The following ITGA3 variants were observed in gnomAD, a reference collection of about 807,000 sequenced individuals.
The protein encoded by ITGA3 is integrin subunit alpha 3, also known as integrin alpha-3.
In ITGA3, 70 loss-of-function variants were observed where a neutral mutation model predicts 131.1. That is an observed-to-expected ratio of 0.53 (90% CI 0.44 to 0.65). The LOEUF (loss-of-function observed/expected upper bound fraction) is 0.65. ITGA3 is among the 30% of genes least tolerant of loss of function. ITGA3 has a pLI of 0.00. For synonymous variants in ITGA3, 537 were observed against 571.6 expected, an observed-to-expected ratio of 0.94 and a Z score of 0.86; for missense variants, 1,098 against 1,388.6, an observed-to-expected ratio of 0.79 and a Z score of 3.33.
chr17:50,082,429 G>A (rs757940358), intron 23 of ITGA3, among the ~76,000 whole-genome samples: 11 of 152,056 alleles, frequency 7.2e-5, no homozygotes, highest in Non-Finnish European at 1.2e-4. Flanking sequence ...CACCTGCCTC[G>A]GCCTCCCAAA....
At chr17:50,088,397 GC>G in intron 25 of ITGA3, 31 bp downstream of exon 25, 2 of 1,226,720 alleles carry the variant, frequency 1.6e-6, no homozygotes, top group Non-Finnish European at 2.3e-6. Context: ...CCTTCCCCGA[GC>G]CCCACAGCTG....
chr17:50,074,404 A>G, intron 9 of ITGA3, 44 bp from the exon 10 acceptor site: 2 of 1,601,106 alleles, frequency 1.2e-6, no homozygotes, highest in South Asian at 1.1e-5. Context: ...GGCCTGGGGC[A>G]GGCAGGAGGC....
At position 50,068,042 on chromosome 17, in the gene ITGA3, T is replaced by G. The variant is rs1567698189; in HGVS notation, c.415-14T>G. ...GTGCCTGACTAAGGCTGCCTGTGTT[T>G]GGGGGGTCCCCAGGTCTGTGCCCAC... is the stretch of plus-strand genomic sequence containing the variant. On this transcript the variant is annotated splice_polypyrimidine_tract_variant and intron_variant, in intron 3 of 25. Transcript: ENST00000320031. 1 of 1,613,538 alleles carries G rather than the reference T, an allele frequency of 6.2e-7. No homozygotes were observed. Among genetic ancestry groups the G allele is most frequent in the Non-Finnish European group, 8.5e-7 (1 of 1,179,836 alleles).
intron 1 of ITGA3, among the ~76,000 whole-genome samples, chr17:50,062,850 C>A (rs1429044216): frequency 6.6e-6 from 1 of 152,222 alleles, no homozygotes; most frequent in Non-Finnish European, 1.5e-5. Flanking sequence ...AATGGTGGGG[C>A]ACCTGGGAGG....
chr17:50,077,223 A>C, intron 15 of ITGA3, 102 bp downstream of exon 15: 1 of 1,353,568 alleles, frequency 7.4e-7, no homozygotes, highest in Non-Finnish European at 1.0e-6. Flanking sequence ...CCACGTGCCC[A>C]CCTCCTCTGG....
chr17:50,080,460 ATGGGTG>A (rs760890970), intron 22 of ITGA3, 85 bp downstream of exon 22: 3 of 486,214 alleles, frequency 6.2e-6, no homozygotes, highest in Non-Finnish European at 1.0e-5. Context: ...GGGTCATAGC[ATGGGTG>A]TGTGTGTGTG....
rs761283441 is a variant in ITGA3 at position 50,075,459 on chromosome 17, T to C, written c.1470T>C (p.Cys490=). The C allele has an allele frequency of 1.2e-6, 2 of 1,614,130 alleles. No individual in the cohort carries two copies. The highest frequency in any genetic ancestry group is 1.7e-6 in the Non-Finnish European group (2 of 1,180,000). ...LDPALCTATS[C]VQVELCFAYN... The stretch of plus-strand genomic sequence containing the variant: ...GCCCTCCTGTACATCCCTCCAACAG[T>C]GTGCAAGTGGAGCTGTGCTTTGCTT... The change falls in exon 11 of 26, where the codon TGT becomes TGC. Residue 490 remains cysteine (C), a splice_region_variant and synonymous_variant. Coordinates refer to ENST00000320031, the MANE Select transcript of ITGA3 (RefSeq NM_002204.4).
At chr17:50,076,754 CG>C in intron 14 of ITGA3, 73 bp downstream of exon 14, 1 of 1,015,172 alleles carries the variant, frequency 9.9e-7, no homozygotes. Context: ...AGGGTGGGGG[CG>C]GGGCCTCATG....
rs924917056 is a variant in ITGA3 at position 50,074,361 on chromosome 17, C to T, written c.1382+81C>T. On this transcript the variant is annotated intron_variant, in intron 9 of 25. Coordinates refer to ENST00000320031, the MANE Select transcript of ITGA3 (RefSeq NM_002204.4). ...AGATTCCCATCTGTGTCCATGTTTG[C>T]GCTAGCTCCTTGGAAGCCTGGGCCC... 2.5e-5 allele frequency: 40 copies of T among 1,598,610 alleles called. No individual in the cohort carries two copies. The East Asian group carries it at 3.1e-4, about 13-fold the overall frequency.
intron 7 of ITGA3, 121 bp from the exon 8 acceptor site, chr17:50,073,795 C>A (rs1038812763): frequency 1.4e-6 from 1 of 722,776 alleles, no homozygotes; most frequent in Non-Finnish European, 2.5e-6. Flanking sequence ...ATGCTCTGAG[C>A]CCTGCCCATC....
intron 22 of ITGA3, 174 bp from the exon 23 acceptor site, chr17:50,081,132 CAAAT>C: frequency 1.7e-6 from 1 of 576,332 alleles, no homozygotes; most frequent in Non-Finnish European, 3.1e-6. Flanking sequence ...AATGAATGAA[CAAAT>C]AAATGAATGA....
At chr17:50,064,000 T>C in intron 1 of ITGA3, 77 bp from the exon 2 acceptor site, 4 of 1,555,068 alleles carry the variant, frequency 2.6e-6, no homozygotes, top group Non-Finnish European at 3.5e-6. Context: ...TGTAAATGTA[T>C]GTTGAATAAA....
chr17:50,076,504 G>A, intron 13 of ITGA3, 29 bp downstream of exon 13: 1 of 1,603,978 alleles, frequency 6.2e-7, no homozygotes, highest in East Asian at 2.2e-5. Flanking sequence ...TGGACTGGAA[G>A]ACCAGGGGCC....
chr17:50,078,792 C>G, intron 18 of ITGA3, 32 bp from the exon 19 acceptor site: 5 of 1,356,620 alleles, frequency 3.7e-6, no homozygotes, highest in Non-Finnish European at 5.3e-6. Context: ...GTCTCTTGTC[C>G]CCCGTGACTC....
At position 50,064,700 on chromosome 17, in the gene ITGA3, C is replaced by T; in HGVS notation, c.414+93C>T. 1 of 1,049,208 alleles carries T rather than the reference C, an allele frequency of 9.5e-7. No homozygotes were observed. Among genetic ancestry groups the T allele is most frequent in the Non-Finnish European group, 1.4e-6 (1 of 708,512 alleles). The allele number at this position is 1,049,208 out of a possible 1,614,324, so 65.0% of individuals were successfully genotyped here. A position where few individuals can be genotyped will look rare whatever the true frequency, so the allele number is the denominator to read the frequency against. On this transcript the variant is annotated intron_variant, in intron 3 of 25. Transcript: ENST00000320031. The surrounding 1 kb of genome is among the most constrained non-coding windows in gnomAD (Gnocchi z 4.4). ...GGAAAGAAGAGGGCAGCAGGGGGGT[C>T]CACGGCGCGTGTGTGCTGGGGCCTG...
At chr17:50,079,579 G>A (rs1403680900) in intron 21 of ITGA3, 22 bp downstream of exon 21, 51 of 1,506,818 alleles carry the variant, frequency 3.4e-5, no homozygotes, top group Non-Finnish European at 4.3e-5. Context: ...GGGCGAGGTT[G>A]GAGGGGATTG....
At position 50,088,327 on chromosome 17, in the gene ITGA3, G is replaced by A. The variant is rs371838662; in HGVS notation, c.3148G>A (p.Asp1050Asn). The A allele has an allele frequency of 8.4e-5, 132 of 1,572,910 alleles. No homozygotes were observed. Among genetic ancestry groups the A allele is most frequent in the Non-Finnish European group, 1.1e-4 (126 of 1,159,604 alleles). The change falls in exon 25 of 26, where the codon GAC becomes AAC. Residue 1050 changes from aspartate to asparagine, a missense_variant. Asp to Asn is a conservative substitution (Grantham distance 23, BLOSUM62 1). Coordinates refer to ENST00000320031, the MANE Select transcript of ITGA3 (RefSeq NM_002204.4). The part of the protein sequence containing the change: ...QPSETERLTD[D>N]Y The stretch of plus-strand genomic sequence containing the variant: ...GTCAGAGACAGAGAGGCTGACCGAC[G>A]ACTACTGAGGGGGCAGCCCCCCGCC...
rs1281984621 is a variant in ITGA3, at chr17:50,071,533, A to T, written c.959+15A>T. 6.3e-7 allele frequency: 1 copy of T among 1,594,258 alleles called. No homozygotes were observed. Among genetic ancestry groups the T allele is most frequent in the East Asian group, 2.2e-5 (1 of 44,600 alleles). On this transcript the variant is annotated intron_variant, in intron 6 of 25. Transcript: ENST00000320031. ...AACAATGATGGGTGAGAATCTAGGG[A>T]CATCCTCTGGGGCCAGGGAGAGCGA...
chr17:50,079,644 C>A, intron 21 of ITGA3, 87 bp downstream of exon 21: 2 of 1,378,444 alleles, frequency 1.5e-6, no homozygotes, highest in Non-Finnish European at 1.9e-6. Context: ...GCAAGGGAGA[C>A]CTCAGTGTGA....
Sources: gnomAD v4.1 joint callset for allele counts (sites outside exome capture counted in the v4.1 genomes callset) on GRCh38, gnomAD v4.1.1 for gene constraint, Gnocchi (gnomAD v3.1) non-coding constraint, MANE v1.5 for transcripts, NCBI Gene and HGNC (gene_info 2026-07-23, HGNC 2026-07-21) for gene names.